Variants in NTM observed in about 807,000 individuals in gnomAD.
NTM encodes neurotrimin, also known as IgLON family member 2.
A neutral mutation model predicts 42.1 loss-of-function variants in NTM; 13 were observed. The ratio of observed to expected loss-of-function variants is 0.31; its 90% CI spans 0.20 to 0.49. The LOEUF (loss-of-function observed/expected upper bound fraction) is 0.49. Among genes scored for constraint, NTM ranks in the 20% least tolerant of loss-of-function variants. NTM has a pLI of 0.99. For missense variants in NTM, 373 were observed against 452.8 expected, an observed-to-expected ratio of 0.82 and a Z score of 1.60; for synonymous variants, 187 against 179.2, an observed-to-expected ratio of 1.04 and a Z score of -0.35.
chr11:132,169,946 A>T (rs185269401), intron 3 of NTM, among the ~76,000 whole-genome samples: 1 of 152,204 alleles, frequency 6.6e-6, no homozygotes, highest in East Asian at 1.9e-4. Flanking sequence ...AGTGTTAGGA[A>T]GTTATTCCAG....
At chr11:131,779,831 T>C (rs1259177710) in intron 1 of NTM, among the ~76,000 whole-genome samples, 1 of 152,044 alleles carries the variant, frequency 6.6e-6, no homozygotes, top group Non-Finnish European at 1.5e-5. Flanking sequence ...TGTAAGTGGG[T>C]AAGAATGGTG....
intron 1 of NTM, among the ~76,000 whole-genome samples, chr11:131,667,702 G>C (rs1224002972): frequency 6.6e-6 from 1 of 152,196 alleles, no homozygotes; most frequent in Non-Finnish European, 1.5e-5. Flanking sequence ...AAACGTCCCT[G>C]AGCAGACCTT....
At chr11:132,265,978 T>C (rs2093160819) in intron 4 of NTM, among the ~76,000 whole-genome samples, 1 of 152,136 alleles carries the variant, frequency 6.6e-6, no homozygotes, top group Admixed American at 6.5e-5. Flanking sequence ...GCCAAAATCA[T>C]GTCTGCTACT....
At chr11:131,405,520 AAT>A (rs1945717036) in intron 1 of NTM, among the ~76,000 whole-genome samples, 1 of 152,092 alleles carries the variant, frequency 6.6e-6, no homozygotes, top group East Asian at 1.9e-4. Context: ...TCTACCTATA[AAT>A]ATATCTCCAA....
chr11:131,546,610 T>G (rs1221625185), intron 1 of NTM: 1 of 152,212 alleles, frequency 6.6e-6, no homozygotes, highest in African/African-American at 2.4e-5. Context: ...GCTTTTCCAT[T>G]TGACTTCACC....
intron 3 of NTM, among the ~76,000 whole-genome samples, chr11:132,147,145 CT>C (rs1280484335): frequency 6.6e-6 from 1 of 151,462 alleles, no homozygotes; most frequent in African/African-American, 2.4e-5. Context: ...TTCTCCTCCC[CT>C]GACTCCTAGT....
chr11:132,314,689 G>A lies in NTM; in HGVS notation c.920G>A (p.Ser307Asn), dbSNP rs1252792704. The change falls in exon 7 of 9, where the codon AGC (serine) becomes AAC (asparagine). Residue 307 changes from serine (S) to asparagine (N), a missense_variant. Physicochemically the swap from Ser to Asn is conservative, Grantham distance 46. Coordinates refer to ENST00000683400, the MANE Select transcript of NTM (RefSeq NM_001352005.2). ...AACAAGCTGGGCCACACCAATGCCAGCATCATGCTATTTGGTGAGACTGTG... is the reference window on the plus strand; with the variant it reads ...AACAAGCTGGGCCACACCAATGCCAACATCATGCTATTTGGTGAGACTGTG... ...ASNKLGHTNA[S>N]IMLFEVKTTA... The A allele has an allele frequency of 6.2e-7, 1 of 1,612,836 alleles. No homozygotes were observed. The highest frequency in any genetic ancestry group is 2.2e-5 in the East Asian group (1 of 44,838).
intron 1 of NTM, among the ~76,000 whole-genome samples, chr11:131,726,704 A>T (rs369745783): frequency 6.6e-6 from 1 of 150,722 alleles, no homozygotes; most frequent in African/African-American, 2.5e-5. Context: ...CAGTCACCCC[A>T]TTGCTCTTTT....
intron 2 of NTM, among the ~76,000 whole-genome samples, chr11:131,954,218 TAGC>T (rs1459407265): frequency 1.3e-5 from 2 of 152,194 alleles, no homozygotes; most frequent in South Asian, 2.1e-4. Context: ...GCATTGTAAG[TAGC>T]ACAGGACGCT....
At chr11:132,021,562 T>C (rs974249750) in intron 2 of NTM, among the ~76,000 whole-genome samples, 5 of 152,224 alleles carry the variant, frequency 3.3e-5, no homozygotes, top group Non-Finnish European at 7.3e-5. Context: ...TTTCCTTGTT[T>C]AGCAAACTGG....
rs576980022 is a variant in NTM at position 132,018,993 on chromosome 11, G to A, written c.167+107345G>A. Among the ~76,000 whole-genome samples, 52 of 151,792 alleles carry A rather than the reference G, an allele frequency of 3.4e-4. 1 individual carries two copies. Among genetic ancestry groups the A allele is most frequent in the Admixed American group, 8.5e-4 (13 of 15,240 alleles). ...TTTCATATAAATTATCTAATTTGTC[G>A]GCATAAGGTTGTTAATAGTATGGTC... On this transcript the variant is annotated intron_variant, in intron 2 of 8. Coordinates refer to ENST00000683400, the MANE Select transcript of NTM (RefSeq NM_001352005.2).
At chr11:132,165,399 G>C (rs971009655) in intron 3 of NTM, among the ~76,000 whole-genome samples, 8 of 152,116 alleles carry the variant, frequency 5.3e-5, no homozygotes, top group African/African-American at 1.9e-4. Flanking sequence ...TTGCTGTCAT[G>C]GCCTTGCTTC....
chr11:131,422,209 CA>C (rs71475755), intron 1 of NTM, among the ~76,000 whole-genome samples: 84,303 of 151,914 alleles, frequency 0.55, 24,196 homozygotes, highest in Non-Finnish European at 0.63. Flanking sequence ...CATCTGAGAA[CA>C]GTCACATTTG....
At chr11:131,658,795 C>A (rs2067558973) in intron 1 of NTM, among the ~76,000 whole-genome samples, 1 of 152,246 alleles carries the variant, frequency 6.6e-6, no homozygotes, top group Non-Finnish European at 1.5e-5. Context: ...CATGGCAAAA[C>A]CCTGTCTCTA....
intron 1 of NTM, among the ~76,000 whole-genome samples, chr11:131,443,539 C>T (rs1169312919): frequency 2.6e-5 from 4 of 152,158 alleles, no homozygotes; most frequent in African/African-American, 4.8e-5. Context: ...ATATATGCAT[C>T]GAGCCATCAG....
intron 1 of NTM, among the ~76,000 whole-genome samples, chr11:131,892,158 C>T (rs942621117): frequency 6.6e-5 from 10 of 152,074 alleles, no homozygotes; most frequent in African/African-American, 2.4e-4. Flanking sequence ...TCTTCTTCTT[C>T]TTTCCTCCTC....
intron 7 of NTM, 140 bp downstream of exon 7, chr11:132,314,843 GACACAGAAAGAA>G (rs2136165607): frequency 1.4e-6 from 2 of 1,393,162 alleles, no homozygotes; most frequent in South Asian, 3.6e-5. Context: ...AAAAGAGAGA[GACACAGAAAGAA>G]ATGGAGAGAG....
intron 2 of NTM, among the ~76,000 whole-genome samples, chr11:132,135,208 C>T (rs1401791206): frequency 6.6e-6 from 1 of 152,168 alleles, no homozygotes; most frequent in Non-Finnish European, 1.5e-5. Flanking sequence ...CTTCTGGCTG[C>T]AGGCTCTACC....
chr11:131,972,042 C>CAAAAAAAAAAAACAAA (rs2063621994), intron 2 of NTM, among the ~76,000 whole-genome samples: 1 of 57,842 alleles, frequency 1.7e-5, no homozygotes, highest in African/African-American at 6.8e-5. Flanking sequence ...GACTCCGTCT[C>CAAAAAAAAAAAACAAA]AAAAAAAAAA....
Sources: gnomAD v4.1 joint callset for allele counts (sites outside exome capture counted in the v4.1 genomes callset) on GRCh38, gnomAD v4.1.1 for gene constraint, MANE v1.5 for transcripts, NCBI Gene and HGNC (gene_info 2026-07-23, HGNC 2026-07-21) for gene names.